NCKAP5: variants seen among roughly 807,000 people sequenced by gnomAD.
The protein encoded by NCKAP5 is nck-associated protein 5.
In NCKAP5, 92 loss-of-function variants were observed where a neutral mutation model predicts 167.0. The observed-to-expected ratio is 0.55, with a 90% CI of 0.47 to 0.66. The LOEUF (loss-of-function observed/expected upper bound fraction) is 0.66, where lower values mean the gene tolerates loss of function less well. NCKAP5 is among the 30% of genes least tolerant of loss of function. NCKAP5 has a pLI of 0.00. For synonymous variants in NCKAP5, 891 were observed against 877.4 expected, an observed-to-expected ratio of 1.02 and a Z score of -0.27; for missense variants, 2,378 against 2,315.0, an observed-to-expected ratio of 1.03 and a Z score of -0.56.
chr2:132,725,857 A>T (rs1451734004), intron 18 of NCKAP5, 98 bp from the exon 19 acceptor site: 1 of 1,271,278 alleles, frequency 7.9e-7, no homozygotes, highest in African/African-American at 1.5e-5. Flanking sequence ...CTGGCTGTCA[A>T]TGTGTGCACA....
At chr2:132,699,778 C>T (rs1366900295) in intron 19 of NCKAP5, among the ~76,000 whole-genome samples, 7 of 152,092 alleles carry the variant, frequency 4.6e-5, no homozygotes, top group Admixed American at 2.6e-4. Flanking sequence ...TGAATAGTGT[C>T]GCAATAAACA....
intron 7 of NCKAP5, among the ~76,000 whole-genome samples, chr2:132,968,753 G>A (rs977279065): frequency 6.6e-6 from 1 of 152,308 alleles, no homozygotes; most frequent in Non-Finnish European, 1.5e-5. Context: ...AGTAAAAAGG[G>A]AGAAAATAGA....
At chr2:132,701,961 G>C (rs1687927258) in intron 19 of NCKAP5, among the ~76,000 whole-genome samples, 1 of 152,150 alleles carries the variant, frequency 6.6e-6, no homozygotes, top group Admixed American at 6.5e-5. Context: ...AATGACAAAA[G>C]ACACAAGGAT....
chr2:132,895,816 C>CAAAAAAAAAAAAAAAAAAA lies in NCKAP5; in HGVS notation c.580-16901_580-16900insTTTTTTTTTTTTTTTTTTT, dbSNP rs59012786. On this transcript the variant is annotated intron_variant, in intron 8 of 19. Transcript: ENST00000409261. ...CAGAGCTAACTGAATGAGAAGGACT[C>CAAAAAAAAAAAAAAAAAAA]AAAAAAAAAAAAAAAAACAAAAAAA... Among the ~76,000 whole-genome samples the CAAAAAAAAAAAAAAAAAAA allele has an allele frequency of 2.9e-5, 3 of 105,230 alleles. 1 individual carries two copies. Among genetic ancestry groups the CAAAAAAAAAAAAAAAAAAA allele is most frequent in the Middle Eastern group, 5.1e-3 (1 of 198 alleles). 69.0% of individuals were successfully genotyped at this position (105,230 alleles called of 152,430 possible).
At chr2:133,452,843 AC>A (rs1374514449) in intron 3 of NCKAP5, among the ~76,000 whole-genome samples, 1 of 152,128 alleles carries the variant, frequency 6.6e-6, no homozygotes, top group African/African-American at 2.4e-5. Flanking sequence ...TTTCCCCTGT[AC>A]AGTCATGCCC....
intron 11 of NCKAP5, among the ~76,000 whole-genome samples, chr2:132,802,548 G>C (rs1685123951): frequency 6.6e-6 from 1 of 152,134 alleles, no homozygotes; most frequent in Non-Finnish European, 1.5e-5. Flanking sequence ...AATCTCCTGA[G>C]TATCTTTTGA....
At chr2:133,270,635 C>T (rs2089465540) in intron 4 of NCKAP5, among the ~76,000 whole-genome samples, 2 of 152,180 alleles carry the variant, frequency 1.3e-5, no homozygotes, top group South Asian at 4.1e-4. Flanking sequence ...TACAAACCAC[C>T]CTCTCCTTTC....
rs1351238415 is a variant in NCKAP5, at chr2:132,987,780, T to C, written c.429+6372A>G. Among the ~76,000 whole-genome samples, 3 of 152,154 alleles carry C rather than the reference T, an allele frequency of 2.0e-5. No individual in the cohort carries two copies. In the East Asian group the frequency reaches 5.8e-4, roughly 29 times the overall value. ...ACTGGGGCAATGACTCACCAAGCAC[T>C]CCATTTTTATGGCAGTCTACCCAGC... On this transcript the variant is annotated intron_variant, in intron 7 of 19. Coordinates refer to ENST00000409261, the MANE Select transcript of NCKAP5 (RefSeq NM_207363.3).
chr2:133,583,938 T>A, the NCKAP5 span, among the ~76,000 whole-genome samples: 191 of 152,236 alleles, frequency 1.3e-3, 1 homozygote, highest in African/African-American at 4.1e-3. Context: ...GTATTTTTAG[T>A]AGAGACGGGG....
At chr2:132,809,607 A>T (rs1219876842) in intron 11 of NCKAP5, among the ~76,000 whole-genome samples, 1 of 152,052 alleles carries the variant, frequency 6.6e-6, no homozygotes, top group East Asian at 1.9e-4. Flanking sequence ...TTTGGTGTCC[A>T]TTTGTACGAA....
chr2:133,469,650 A>C (rs902297178), intron 3 of NCKAP5, among the ~76,000 whole-genome samples: 1 of 152,110 alleles, frequency 6.6e-6, no homozygotes, highest in African/African-American at 2.4e-5. Flanking sequence ...AGGTACACCC[A>C]TCAGATGTAG....
chr2:132,679,689 A>G (rs893372500), intron 19 of NCKAP5, among the ~76,000 whole-genome samples: 3 of 152,200 alleles, frequency 2.0e-5, no homozygotes, highest in Admixed American at 6.5e-5. Flanking sequence ...AATGAAGTCT[A>G]AGAGACGGTC....
At chr2:132,966,422 A>G (rs2076669015) in intron 7 of NCKAP5, among the ~76,000 whole-genome samples, 1 of 152,132 alleles carries the variant, frequency 6.6e-6, no homozygotes, top group Non-Finnish European at 1.5e-5. Flanking sequence ...TTTAATTTCA[A>G]TAAGTCTTGA....
At chr2:133,614,703 G>A in the NCKAP5 span, among the ~76,000 whole-genome samples, 1 of 152,166 alleles carries the variant, frequency 6.6e-6, no homozygotes, top group Non-Finnish European at 1.5e-5. Flanking sequence ...GGGGAGAACG[G>A]AACCAAGTTG....
intron 5 of NCKAP5, among the ~76,000 whole-genome samples, chr2:133,187,963 G>A (rs1022547468): frequency 1.3e-5 from 2 of 152,000 alleles, no homozygotes; most frequent in Non-Finnish European, 2.9e-5. Flanking sequence ...GGAGCATTTA[G>A]CCCATTTACA....
chr2:133,286,514 C>T (rs1679154232), intron 4 of NCKAP5, among the ~76,000 whole-genome samples: 1 of 152,056 alleles, frequency 6.6e-6, no homozygotes, highest in African/African-American at 2.4e-5. Flanking sequence ...ATGCATGATG[C>T]AATGCTGGAA....
chr2:133,268,674 G>A (rs376999496), intron 4 of NCKAP5, among the ~76,000 whole-genome samples: 3 of 151,918 alleles, frequency 2.0e-5, no homozygotes, highest in East Asian at 3.9e-4. Context: ...AGTAGAGACG[G>A]GGTTTCACCG....
chr2:132,846,082 C>A (rs1688641579), intron 11 of NCKAP5, among the ~76,000 whole-genome samples: 1 of 152,068 alleles, frequency 6.6e-6, no homozygotes, highest in Non-Finnish European at 1.5e-5. Flanking sequence ...TTGGTTGTTA[C>A]TGATATATAA....
chr2:133,230,863 A>T (rs2087115041), intron 4 of NCKAP5, among the ~76,000 whole-genome samples: 1 of 152,234 alleles, frequency 6.6e-6, no homozygotes, highest in Non-Finnish European at 1.5e-5. Context: ...ATTAGAAATC[A>T]CTGTGACAAG....
Sources: gnomAD v4.1 joint callset for allele counts (sites outside exome capture counted in the v4.1 genomes callset) on GRCh38, gnomAD v4.1.1 for gene constraint, MANE v1.5 for transcripts, NCBI Gene and HGNC (gene_info 2026-07-23, HGNC 2026-07-21) for gene names.